The following B4GALNT4 variants were observed in gnomAD, a reference collection of about 807,000 sequenced individuals.
B4GALNT4 encodes N-acetyl-beta-glucosaminyl-glycoprotein 4-beta-N-acetylgalactosaminyltransferase 1.
Under a neutral mutation model 110.0 loss-of-function variants are expected in B4GALNT4, and 77 were observed. The ratio of observed to expected loss-of-function variants is 0.70; its 90% confidence interval spans 0.58 to 0.85. The LOEUF is 0.85. Among genes scored for constraint, B4GALNT4 ranks in the 40% least tolerant of loss-of-function variants. The pLI, the probability that B4GALNT4 is intolerant of heterozygous loss-of-function variation, is 0.00. For synonymous variants in B4GALNT4, 785 were observed against 655.5 expected, an observed-to-expected ratio of 1.20 and a Z score of -3.02; for missense variants, 1,575 against 1,506.0, an observed-to-expected ratio of 1.05 and a Z score of -0.76.
intron 3 of B4GALNT4, 31 bp downstream of exon 3, chr11:372,785 A>G (rs1040193315): frequency 3.5e-6 from 2 of 567,750 alleles, no homozygotes; most frequent in Non-Finnish European, 2.2e-6. Flanking sequence ...ATGGGCTGGG[A>G]GGCAGGGCGG....
At chr11:369,983 G>GGCCCC in intron 1 of B4GALNT4, 29 bp downstream of exon 1, 1 of 379,538 alleles carries the variant, frequency 2.6e-6, no homozygotes, top group Non-Finnish European at 3.5e-6. Context: ...GGGGGGCGCG[G>GGCCCC]GGGGCGGGGG....
chr11:381,073 G>C (rs79255845), intron 19 of B4GALNT4, 122 bp downstream of exon 19: 111,594 of 1,478,210 alleles, frequency 0.075, 4,740 homozygotes, highest in Admixed American at 0.15. Context: ...TGCCCTTCCC[G>C]GTCTTCCCAG....
chr11:377,448 G>A, intron 14 of B4GALNT4, 121 bp downstream of exon 14: 1 of 1,117,796 alleles, frequency 8.9e-7, no homozygotes, highest in Non-Finnish European at 1.2e-6. Flanking sequence ...GTACCGGCCT[G>A]GGGGCTGAGG....
chr11:380,957 C>T lies in B4GALNT4; in HGVS notation c.2996+6C>T, dbSNP rs745522991. ...GACTGGGAGCTCCTGGACAGGTGAC[C>T]ACCTCCCCACTCCCCAGAGGTGACA... On this transcript the variant is annotated splice_donor_region_variant and intron_variant, in intron 19 of 19. Coordinates refer to ENST00000329962, the MANE Select transcript of B4GALNT4 (RefSeq NM_178537.5). 11 of 1,610,336 alleles carry T rather than the reference C, an allele frequency of 6.8e-6. No homozygotes were observed. The highest frequency in any genetic ancestry group is 9.3e-6 in the Non-Finnish European group (11 of 1,178,330).
intron 2 of B4GALNT4, 35 bp from the exon 3 acceptor site, chr11:372,627 C>A: frequency 6.3e-7 from 1 of 1,577,884 alleles, no homozygotes; most frequent in Non-Finnish European, 8.7e-7. Context: ...CCCTGCCCTT[C>A]CAACCCTGAC....
Position 376,509 on chromosome 11 carries a change from C to T in B4GALNT4, c.1386C>T (p.Pro462=), listed in dbSNP as rs755189118. Residue 462 remains proline (P), a synonymous_variant, in exon 14 of 20, where the codon CCC becomes CCT. Coordinates refer to ENST00000329962, the MANE Select transcript of B4GALNT4 (RefSeq NM_178537.5). ...CGCCCAGGAGCGGCCCCCAGTCCCC[C>T]GCCCCAGCAGCCCCCGCCCAGCCCG... The part of the protein sequence containing the change: ...AAPPRSGPQS[P]APAAPAQPGA... 2 of 1,516,442 alleles carry T rather than the reference C, an allele frequency of 1.3e-6. No homozygotes were observed. The highest frequency in any genetic ancestry group is 1.8e-6 in the Non-Finnish European group (2 of 1,139,008). 93.9% of individuals were successfully genotyped at this position (1,516,442 alleles called of 1,614,324 possible).
chr11:381,912 G>A lies in B4GALNT4; in HGVS notation c.*120G>A, dbSNP rs1590345518. On this transcript the variant is annotated 3_prime_UTR_variant, in exon 20 of 20. Transcript: ENST00000329962. ...TCAGAGGGGCACAGCCACCGCCTGT[G>A]CCTGCCCCTCTCTGGCCCACTGGGC... is the stretch of plus-strand genomic sequence containing the variant. The A allele has an allele frequency of 8.1e-7, 1 of 1,240,930 alleles. No homozygotes were observed. The highest frequency in any genetic ancestry group is 1.1e-6 in the Non-Finnish European group (1 of 950,502). 76.9% of individuals were successfully genotyped at this position (1,240,930 alleles called of 1,614,324 possible).
chr11:373,558 G>A (rs368683615), intron 7 of B4GALNT4, 42 bp downstream of exon 7: 23 of 1,594,694 alleles, frequency 1.4e-5, no homozygotes, highest in African/African-American at 6.7e-5. Flanking sequence ...TTGTGTATTC[G>A]TGGGAGGGGG....
At chr11:377,481 G>A (rs1197729732) in intron 14 of B4GALNT4, among the ~76,000 whole-genome samples, 154 bp downstream of exon 14, 1 of 152,152 alleles carries the variant, frequency 6.6e-6, no homozygotes, top group African/African-American at 2.4e-5. Flanking sequence ...CCCCAGGGAA[G>A]CCCCAGCTTC....
At position 381,732 on chromosome 11, in the gene B4GALNT4, C is replaced by T; in HGVS notation, c.3060C>T (p.His1020=). 2 of 1,591,802 alleles carry T rather than the reference C, an allele frequency of 1.3e-6. No homozygotes were observed. Among genetic ancestry groups the T allele is most frequent in the Non-Finnish European group, 1.7e-6 (2 of 1,171,264 alleles). Residue 1020 remains histidine, a synonymous_variant, in exon 20 of 20, where the codon CAC becomes CAT. Coordinates refer to ENST00000329962, the MANE Select transcript of B4GALNT4 (RefSeq NM_178537.5). Reference sequence around the variant, plus strand: ...TGCGGAATTTCTATCACCACTACCACTCCAAGAGGGGCATGTGGAGCGTCC... The same window carrying T: ...TGCGGAATTTCTATCACCACTACCATTCCAAGAGGGGCATGTGGAGCGTCC... ...LRLRNFYHHY[H]SKRGMWSVRS...
Position 376,840 on chromosome 11 carries a change from C to T in B4GALNT4, c.1717C>T (p.Arg573Trp), listed in dbSNP as rs902499502. The T allele has an allele frequency of 4.1e-5, 55 of 1,326,508 alleles. No individual in the cohort carries two copies. In the African/African-American group the frequency reaches 7.8e-4, roughly 19 times the overall value. The allele number at this position is 1,326,508 out of a possible 1,614,324, so 82.2% of individuals were successfully genotyped here. ...GCTGCGGGCGCCCCCACGCCCACCC[C>T]GGCCCCACGGCCGCAGGACCGGCGG... ...VQLRAPPRPP[R>W]PHGRRTGGPQ... Residue 573 changes from arginine to tryptophan, a missense_variant, in exon 14 of 20, where the codon CGG becomes TGG. By Grantham distance (101) the Arg-to-Trp change is moderately radical. Coordinates refer to ENST00000329962, the MANE Select transcript of B4GALNT4 (RefSeq NM_178537.5).
At chr11:374,108 C>A (rs1846675911) in intron 8 of B4GALNT4, among the ~76,000 whole-genome samples, 1 of 151,938 alleles carries the variant, frequency 6.6e-6, no homozygotes, top group Admixed American at 6.6e-5. Context: ...TTCCACACCA[C>A]AAGAACAGCG....
At position 381,108 on chromosome 11, in the gene B4GALNT4, C is replaced by G. The variant is rs1379594575; in HGVS notation, c.2996+157C>G. 3 of 985,116 alleles carry G rather than the reference C, an allele frequency of 3.0e-6. No individual in the cohort carries two copies. In the Admixed American group the frequency reaches 1.8e-4, roughly 61 times the overall value. 61.0% of individuals were successfully genotyped at this position (985,116 alleles called of 1,614,324 possible). A position where few individuals can be genotyped will look rare whatever the true frequency, so the allele number is the denominator to read the frequency against. ...GTATCCTGTAGGCCTGGAGAGACTC[C>G]TCCACCCACATCACTTCTGAAACCC... is the stretch of plus-strand genomic sequence containing the variant. On this transcript the variant is annotated intron_variant, in intron 19 of 19. Coordinates refer to ENST00000329962, the MANE Select transcript of B4GALNT4 (RefSeq NM_178537.5).
rs1363214366 is a variant in B4GALNT4, at chr11:373,743, T to C, written c.705-7T>C. ...CATGGCACGACCCTTGCTCCTCGTGTCCCCAGGCTCATGGCCTCCCGGAGG... is the reference window on the plus strand; with the variant it reads ...CATGGCACGACCCTTGCTCCTCGTGCCCCCAGGCTCATGGCCTCCCGGAGG... On this transcript the variant is annotated splice_region_variant and splice_polypyrimidine_tract_variant and intron_variant, in intron 7 of 19. Transcript: ENST00000329962. 6.2e-7 allele frequency: 1 copy of C among 1,612,018 alleles called. No individual in the cohort carries two copies.
At chr11:373,419 C>CCCGGCA in intron 6 of B4GALNT4, 30 bp from the exon 7 acceptor site, 1 of 1,080,028 alleles carries the variant, frequency 9.3e-7, no homozygotes, top group African/African-American at 2.2e-5. Context: ...CCCCCCCCCC[C>CCCGGCA]ACCACCACCC....
In B4GALNT4 at chr11:379,486, T is replaced by TGCTGGA; in HGVS notation, c.2284_2289dup (p.Glu762_Leu763dup). The stretch of plus-strand genomic sequence containing the variant: ...GACTCGGCGCGAGGGAGTCGCTTCC[T>TGCTGGA]GCTGGAGCTGGAGCTGCAGGAGCGC... On this transcript the variant is annotated inframe_insertion, in exon 15 of 20. Coordinates refer to ENST00000329962, the MANE Select transcript of B4GALNT4 (RefSeq NM_178537.5). The TGCTGGA allele has an allele frequency of 1.9e-6, 3 of 1,572,460 alleles. No homozygotes were observed. The highest frequency in any genetic ancestry group is 2.6e-6 in the Non-Finnish European group (3 of 1,165,424).
chr11:373,408 A>AC lies in B4GALNT4; in HGVS notation c.637-30dup, dbSNP rs376849299. On this transcript the variant is annotated intron_variant, in intron 6 of 19. Transcript: ENST00000329962. ...TTTGGTGTCCCCAGGGAGAGAGTGA[A>AC]CCCCCCCCCCCACCACCACCCCTGC... 6.9e-4 allele frequency: 557 copies of AC among 808,458 alleles called. 2 individuals carry two copies. Among genetic ancestry groups the AC allele is most frequent in the Non-Finnish European group, 5.2e-4 (269 of 514,134 alleles). 50.1% of individuals were successfully genotyped at this position (808,458 alleles called of 1,614,324 possible). A position where few individuals can be genotyped will look rare whatever the true frequency, so the allele number is the denominator to read the frequency against.
intron 7 of B4GALNT4, 80 bp from the exon 8 acceptor site, chr11:373,670 G>A (rs1437150264): frequency 1.3e-6 from 2 of 1,547,418 alleles, no homozygotes; most frequent in Non-Finnish European, 1.8e-6. Context: ...TGAGGGGTGT[G>A]GGAGCCACCT....
At position 379,914 on chromosome 11, in the gene B4GALNT4, C is replaced by G; in HGVS notation, c.2537C>G (p.Ala846Gly). 3 of 1,609,858 alleles carry G rather than the reference C, an allele frequency of 1.9e-6. No homozygotes were observed. Among genetic ancestry groups the G allele is most frequent in the Non-Finnish European group, 1.7e-6 (2 of 1,179,670 alleles). The change falls in exon 16 of 20, where the codon GCG becomes GGG. Residue 846 changes from alanine to glycine, a missense_variant. Coordinates refer to ENST00000329962, the MANE Select transcript of B4GALNT4 (RefSeq NM_178537.5). Reference sequence around the variant, plus strand: ...GCACAGTTCCTGGCGGACATGGCTGCGCTGCACGCGCGCACCGGGGACTCG... The same window carrying G: ...GCACAGTTCCTGGCGGACATGGCTGGGCTGCACGCGCGCACCGGGGACTCG... ...WVAQFLADMA[A>G]LHARTGDSRF...
Sources: gnomAD v4.1 joint callset for allele counts (sites outside exome capture counted in the v4.1 genomes callset) on GRCh38, gnomAD v4.1.1 for gene constraint, MANE v1.5 for transcripts, NCBI Gene and HGNC (gene_info 2026-07-23, HGNC 2026-07-21) for gene names.